The following ZNF385D variants were observed in gnomAD, a reference collection of about 807,000 sequenced individuals.
ZNF385D encodes the protein zinc finger protein 659.
ZNF385D carries 15 observed loss-of-function variants against 35.8 expected under a neutral mutation model. That is an observed-to-expected ratio of 0.42 (90% CI 0.28 to 0.64). ZNF385D has a LOEUF of 0.64. ZNF385D is among the 30% of genes least tolerant of loss of function. The pLI, the probability that ZNF385D is intolerant of heterozygous loss-of-function variation, is 0.23. For synonymous variants in ZNF385D, 212 were observed against 186.8 expected (o/e 1.13, Z -1.10); for missense variants, 474 against 494.6 (o/e 0.96, Z 0.39).
intron 2 of ZNF385D, among the ~76,000 whole-genome samples, chr3:21,652,089 A>C (rs1381946400): frequency 6.6e-6 from 1 of 152,198 alleles, no homozygotes; most frequent in African/African-American, 2.4e-5. Flanking sequence ...CCTTCACTGA[A>C]TGTATAAACG....
chr3:22,030,299 A>ATATATATATATATATATC (rs1553591392), intron 3 of ZNF385D, among the ~76,000 whole-genome samples: 2 of 114,740 alleles, frequency 1.7e-5, no homozygotes, highest in Non-Finnish European at 3.7e-5. Context: ...ATATATATAT[A>ATATATATATATATATATC]TATCCTATTT....
intron 3 of ZNF385D, among the ~76,000 whole-genome samples, chr3:21,825,330 A>G (rs971657016): frequency 6.6e-5 from 10 of 152,170 alleles, no homozygotes; most frequent in Admixed American, 4.6e-4. Context: ...TACCAGAACT[A>G]TCTGTCACTT....
At chr3:22,099,728 C>T (rs1020198735) in intron 3 of ZNF385D, among the ~76,000 whole-genome samples, 2 of 151,808 alleles carry the variant, frequency 1.3e-5, no homozygotes, top group Non-Finnish European at 2.9e-5. Context: ...AAGGATGGAG[C>T]GTAAGGAGAG....
chr3:21,808,622 A>C (rs2072763090), intron 3 of ZNF385D, among the ~76,000 whole-genome samples: 1 of 152,234 alleles, frequency 6.6e-6, no homozygotes, highest in South Asian at 2.1e-4. Flanking sequence ...ACTGTTGTCA[A>C]TTATTCCTCT....
intron 4 of ZNF385D, among the ~76,000 whole-genome samples, chr3:21,455,140 C>T (rs1165044605): frequency 9.2e-5 from 14 of 152,092 alleles, no homozygotes; most frequent in Admixed American, 2.6e-4. Context: ...GAATCAATAT[C>T]GTGAAAATGG....
At chr3:22,201,477 TTGA>T (rs1167639035) in intron 2 of ZNF385D, among the ~76,000 whole-genome samples, 1 of 152,096 alleles carries the variant, frequency 6.6e-6, no homozygotes, top group East Asian at 1.9e-4. Flanking sequence ...TCGGAAATAA[TTGA>T]TGAGCACTTG....
At chr3:22,144,541 C>A (rs1463692944) in intron 3 of ZNF385D, among the ~76,000 whole-genome samples, 3 of 136,044 alleles carry the variant, frequency 2.2e-5, no homozygotes, top group Non-Finnish European at 4.6e-5. Context: ...CCACTGCACT[C>A]CAGCCTAGGC....
chr3:21,903,512 T>C (rs957407632), intron 3 of ZNF385D, among the ~76,000 whole-genome samples: 3 of 152,162 alleles, frequency 2.0e-5, no homozygotes, highest in Non-Finnish European at 4.4e-5. Flanking sequence ...ACAAGTATTG[T>C]ATGAAAATCA....
intron 3 of ZNF385D, among the ~76,000 whole-genome samples, chr3:21,763,155 C>G (rs773089424): frequency 2.0e-5 from 3 of 152,146 alleles, no homozygotes; most frequent in Non-Finnish European, 2.9e-5. Context: ...AAAAAATTCA[C>G]CTTCTCTCCA....
At chr3:22,138,911 C>G (rs1470547880) in intron 3 of ZNF385D, among the ~76,000 whole-genome samples, 3 of 152,088 alleles carry the variant, frequency 2.0e-5, no homozygotes, top group Admixed American at 2.0e-4. Flanking sequence ...TTTTTGCAAC[C>G]TACTCATCTG....
intron 3 of ZNF385D, among the ~76,000 whole-genome samples, chr3:21,958,016 C>A (rs142336606): frequency 6.6e-6 from 1 of 152,054 alleles, no homozygotes; most frequent in Non-Finnish European, 1.5e-5. Context: ...CCAGTGTGCC[C>A]GAGTGTTGTT....
rs1703326144 is a variant in ZNF385D at position 22,307,937 on chromosome 3, A to G, written c.106+64513T>C. Among the ~76,000 whole-genome samples, 3 of 152,080 alleles carry G rather than the reference A, an allele frequency of 2.0e-5. 1 individual carries two copies. The highest frequency in any genetic ancestry group is 4.1e-4 in the South Asian group (2 of 4,830). On this transcript the variant is annotated intron_variant, in intron 2 of 5. Coordinates refer to the ZNF385D transcript ENST00000494108. ...AAGATAAATGAGGCACTTTAAAATC[A>G]AAGTTAAAATTACCCTTAATTTTTG...
intron 2 of ZNF385D, among the ~76,000 whole-genome samples, chr3:21,637,192 G>GT (rs2065475555): frequency 6.6e-6 from 1 of 151,990 alleles, no homozygotes; most frequent in South Asian, 2.1e-4. Context: ...TGTCTAGAAG[G>GT]TTTTTTCCTG....
chr3:21,555,603 C>T (rs2062707116), intron 3 of ZNF385D, among the ~76,000 whole-genome samples: 1 of 152,290 alleles, frequency 6.6e-6, no homozygotes, highest in South Asian at 2.1e-4. Flanking sequence ...TTTCTTTAAC[C>T]AGTCTATCAC....
At chr3:22,034,196 T>C (rs1218750554) in intron 3 of ZNF385D, among the ~76,000 whole-genome samples, 2 of 152,182 alleles carry the variant, frequency 1.3e-5, no homozygotes, top group Admixed American at 6.5e-5. Flanking sequence ...GAGATTAGAA[T>C]TAGATGAAGT....
intron 3 of ZNF385D, among the ~76,000 whole-genome samples, chr3:22,027,676 C>T (rs114130247): frequency 0.065 from 9,903 of 152,158 alleles, 427 homozygotes; most frequent in Non-Finnish European, 0.091. Context: ...AAGTGGGTCA[C>T]GCACAGCTGC....
chr3:22,278,670 C>T (rs1701558142), intron 2 of ZNF385D, among the ~76,000 whole-genome samples: 2 of 152,064 alleles, frequency 1.3e-5, no homozygotes, highest in East Asian at 1.9e-4. Flanking sequence ...TTCATTTTCC[C>T]TCCTTGACAC....
rs2125226931 is a variant in ZNF385D, at chr3:21,413,165, C to G, written c.*8049G>C. The stretch of plus-strand genomic sequence containing the variant: ...TCATAATATAAAACACAATAAAATC[C>G]TATCTCACGTTTCCAAGCCCACCTG... On this transcript the variant is annotated 3_prime_UTR_variant, in exon 8 of 8. Coordinates refer to ENST00000281523, the MANE Select transcript of ZNF385D (RefSeq NM_024697.3). The G allele has an allele frequency of 6.6e-6, 1 of 152,028 alleles. No individual in the cohort carries two copies. Among genetic ancestry groups the G allele is most frequent in the South Asian group, 2.1e-4 (1 of 4,802 alleles). 9.4% of individuals were successfully genotyped at this position (152,028 alleles called of 1,614,324 possible). A position where few individuals can be genotyped will look rare whatever the true frequency, so the allele number is the denominator to read the frequency against.
chr3:22,109,405 C>G (rs139058733), intron 3 of ZNF385D, among the ~76,000 whole-genome samples: 2,688 of 152,274 alleles, frequency 0.018, 85 homozygotes, highest in African/African-American at 0.061. Context: ...ATAGCTACCA[C>G]TACAGAAGCA....
Sources: allele counts gnomAD v4.1 joint callset (sites outside exome capture counted in the v4.1 genomes callset), GRCh38; gene constraint gnomAD v4.1.1; transcripts MANE v1.5; gene names NCBI Gene and HGNC (gene_info 2026-07-23, HGNC 2026-07-21).